PLA1A: variants seen among roughly 807,000 people sequenced by gnomAD.
PLA1A encodes phospholipase A1 member A.
Under a neutral mutation model 49.4 loss-of-function variants are expected in PLA1A, and 47 were observed. The observed-to-expected ratio is 0.95, with a 90% CI of 0.75 to 1.21. The LOEUF is 1.21. Among genes scored for constraint, PLA1A ranks in the 50% most tolerant of loss-of-function variants. PLA1A has a pLI of 0.00. For synonymous variants in PLA1A, 224 were observed against 207.9 expected, an observed-to-expected ratio of 1.08 and a Z score of -0.67; for missense variants, 561 against 563.9, an observed-to-expected ratio of 0.99 and a Z score of 0.05.
intron 5 of PLA1A, among the ~76,000 whole-genome samples, chr3:119,613,632 G>A (rs1347620215): frequency 2.0e-5 from 3 of 152,230 alleles, no homozygotes; most frequent in Admixed American, 6.5e-5. Flanking sequence ...GGTGGCTCAC[G>A]CCAGTAATCC....
At chr3:119,626,490 G>T (rs2052541057) in intron 9 of PLA1A, among the ~76,000 whole-genome samples, 1 of 152,194 alleles carries the variant, frequency 6.6e-6, no homozygotes, top group Admixed American at 6.5e-5. Flanking sequence ...CACCTCTGGT[G>T]TGTCTGGAGC....
chr3:119,603,605 C>G (rs538977037), intron 1 of PLA1A, among the ~76,000 whole-genome samples: 1 of 152,274 alleles, frequency 6.6e-6, no homozygotes, highest in Admixed American at 6.5e-5. Flanking sequence ...CCCTCCCCCA[C>G]CAACATTTGC....
At chr3:119,606,708 T>C in intron 1 of PLA1A, 66 bp from the exon 2 acceptor site, 1 of 1,353,594 alleles carries the variant, frequency 7.4e-7, no homozygotes, top group Non-Finnish European at 1.0e-6. Flanking sequence ...CAAGGTCATC[T>C]TTCTTCCTTC....
chr3:119,624,941 T>C (rs999036224), intron 8 of PLA1A, among the ~76,000 whole-genome samples, 183 bp from the exon 9 acceptor site: 1 of 152,216 alleles, frequency 6.6e-6, no homozygotes, highest in Admixed American at 6.5e-5. Context: ...AAGTGTCTAT[T>C]TTTATTATCC....
In PLA1A at chr3:119,618,192, G is replaced by T; in HGVS notation, c.922+6G>T. 6.2e-7 allele frequency: 1 copy of T among 1,606,818 alleles called. No individual in the cohort carries two copies. Among genetic ancestry groups the T allele is most frequent in the Non-Finnish European group, 8.5e-7 (1 of 1,176,018 alleles). On this transcript the variant is annotated splice_donor_region_variant and intron_variant, in intron 7 of 10. Coordinates refer to ENST00000273371, the MANE Select transcript of PLA1A (RefSeq NM_015900.4). ...GCTTTCCTGCCCAAGGATAGGTAAAGTGCTACCCCTTTGACTTCCTTTGAC... is the reference window on the plus strand; with the variant it reads ...GCTTTCCTGCCCAAGGATAGGTAAATTGCTACCCCTTTGACTTCCTTTGAC...
chr3:119,606,066 T>C (rs900549534), intron 1 of PLA1A, among the ~76,000 whole-genome samples: 16 of 152,188 alleles, frequency 1.1e-4, no homozygotes. Context: ...AGGGCAACTG[T>C]TCATTTGGCT....
chr3:119,615,743 G>A (rs1297166024), intron 5 of PLA1A, among the ~76,000 whole-genome samples: 1 of 152,014 alleles, frequency 6.6e-6, no homozygotes, highest in Non-Finnish European at 1.5e-5. Flanking sequence ...TCCGGGAGGC[G>A]GAGGTTGCAG....
At chr3:119,625,633 C>T (rs2052515715) in intron 9 of PLA1A, among the ~76,000 whole-genome samples, 1 of 152,154 alleles carries the variant, frequency 6.6e-6, no homozygotes, top group Non-Finnish European at 1.5e-5. Context: ...AGCACCCACT[C>T]CTGGGAAAGG....
chr3:119,619,788 G>A (rs1577150852), intron 8 of PLA1A, 136 bp downstream of exon 8: 2 of 680,864 alleles, frequency 2.9e-6, no homozygotes, highest in East Asian at 2.7e-5. Context: ...CCCCTGGTCT[G>A]AACCAAAACT....
At chr3:119,610,995 A>T (rs2082757193) in intron 4 of PLA1A, among the ~76,000 whole-genome samples, 1 of 152,064 alleles carries the variant, frequency 6.6e-6, no homozygotes. Flanking sequence ...GTATATGGTG[A>T]GAGGTAGGGG....
intron 4 of PLA1A, among the ~76,000 whole-genome samples, chr3:119,610,393 A>G (rs2082749546): frequency 6.6e-6 from 1 of 152,210 alleles, no homozygotes; most frequent in African/African-American, 2.4e-5. Flanking sequence ...TCTTTGAGGA[A>G]TCTTCAGATC....
intron 1 of PLA1A, among the ~76,000 whole-genome samples, chr3:119,606,424 C>T (rs910173730): frequency 1.3e-5 from 2 of 152,208 alleles, no homozygotes; most frequent in South Asian, 4.1e-4. Flanking sequence ...TCTCCAAATA[C>T]AGTCACATTC....
At chr3:119,600,080 A>G (rs55670246) in intron 1 of PLA1A, among the ~76,000 whole-genome samples, 37,908 of 152,008 alleles carry the variant, frequency 0.25, 6,142 homozygotes, top group East Asian at 0.46. Context: ...GACAGAAAGA[A>G]GATGCCGGAT....
rs1560078035 is a variant in PLA1A, at chr3:119,606,877, G to A, written c.177G>A (p.Ser59=). 9.9e-6 allele frequency: 16 copies of A among 1,613,978 alleles called. No homozygotes were observed. The highest frequency in any genetic ancestry group is 1.2e-5 in the Non-Finnish European group (14 of 1,179,900). The stretch of plus-strand genomic sequence containing the variant: ...TCCAGTTTCTCCTCTTTGTCCCTTC[G>A]AATCCTAGCTGTGGGCAGCTAGTAG... The part of the protein sequence containing the change: ...LKVQFLLFVP[S]NPSCGQLVEG... The change falls in exon 2 of 11, where the codon TCG becomes TCA. Residue 59 remains serine, a synonymous_variant. Transcript: ENST00000273371.
At chr3:119,607,815 C>T (rs1191665512) in intron 2 of PLA1A, among the ~76,000 whole-genome samples, 4 of 152,158 alleles carry the variant, frequency 2.6e-5, no homozygotes, top group East Asian at 3.9e-4. Context: ...AGGTGGAGAG[C>T]TCATCAGGCA....
At chr3:119,628,992 C>A in intron 10 of PLA1A, 127 bp downstream of exon 10, 2 of 811,104 alleles carry the variant, frequency 2.5e-6, no homozygotes, top group Non-Finnish European at 4.0e-6. Flanking sequence ...GCAGAGATGA[C>A]AGACACCCGG....
chr3:119,612,390 A>G (rs2082778296), intron 4 of PLA1A, among the ~76,000 whole-genome samples: 1 of 152,240 alleles, frequency 6.6e-6, no homozygotes, highest in Admixed American at 6.5e-5. Context: ...CCTGGTACAT[A>G]GTAACTGCTC....
intron 1 of PLA1A, among the ~76,000 whole-genome samples, chr3:119,598,899 A>C (rs943661598): frequency 6.6e-6 from 1 of 152,056 alleles, no homozygotes; most frequent in Middle Eastern, 3.4e-3. Flanking sequence ...CTCTCCTTGC[A>C]CTCATGGGTG....
intron 9 of PLA1A, 36 bp from the exon 10 acceptor site, chr3:119,628,665 A>G: frequency 6.2e-7 from 1 of 1,602,838 alleles, no homozygotes; most frequent in Non-Finnish European, 8.5e-7. Flanking sequence ...GGTAAGGGCT[A>G]CAGTCATTTA....
Sources: allele counts gnomAD v4.1 joint callset (sites outside exome capture counted in the v4.1 genomes callset), GRCh38; gene constraint gnomAD v4.1.1; transcripts MANE v1.5; gene names NCBI Gene and HGNC (gene_info 2026-07-23, HGNC 2026-07-21).